Variants in ZMYM4 observed in about 807,000 individuals in gnomAD.
ZMYM4 encodes zinc finger MYM-type containing 4.
In ZMYM4, 31 loss-of-function variants were observed where a neutral mutation model predicts 183.2. That is an observed-to-expected ratio of 0.17 (90% CI 0.13 to 0.23). The LOEUF (loss-of-function observed/expected upper bound fraction) is 0.23. ZMYM4 is among the 10% of genes least tolerant of loss of function. The pLI, the probability that ZMYM4 is intolerant of heterozygous loss-of-function variation, is 1.00. For missense variants in ZMYM4, 1,273 were observed against 1,840.3 expected (o/e 0.69, Z 5.64); for synonymous variants, 592 against 631.2 (o/e 0.94, Z 0.93).
chr1:35,360,318 T>C (rs1310361866), intron 3 of ZMYM4, among the ~76,000 whole-genome samples: 1 of 152,072 alleles, frequency 6.6e-6, no homozygotes, highest in Non-Finnish European at 1.5e-5. Flanking sequence ...ATCTTACTCA[T>C]CTTTGTATTC....
chr1:35,272,229 T>C (rs1293755081), intron 1 of ZMYM4, among the ~76,000 whole-genome samples: 1 of 152,194 alleles, frequency 6.6e-6, no homozygotes, highest in African/African-American at 2.4e-5. Flanking sequence ...ATAGTAACTT[T>C]AGGCTATTCA....
chr1:35,378,523 C>T (rs1558122333), intron 7 of ZMYM4, among the ~76,000 whole-genome samples: 2 of 152,166 alleles, frequency 1.3e-5, no homozygotes, highest in East Asian at 3.8e-4. Flanking sequence ...TCTTGTACAT[C>T]TCCATCAGAA....
intron 1 of ZMYM4, among the ~76,000 whole-genome samples, chr1:35,284,339 TC>T (rs2148697928): frequency 6.6e-6 from 1 of 152,360 alleles, no homozygotes; most frequent in African/African-American, 2.4e-5. Flanking sequence ...GCTTTTGGTA[TC>T]ATATTTAAGA....
intron 2 of ZMYM4, among the ~76,000 whole-genome samples, chr1:35,340,030 C>T (rs546980952): frequency 6.6e-6 from 1 of 152,274 alleles, no homozygotes; most frequent in South Asian, 2.1e-4. Context: ...TGGGACACAT[C>T]CCTGAAAATT....
chr1:35,280,840 C>A (rs1176341192), intron 1 of ZMYM4, among the ~76,000 whole-genome samples: 3 of 152,270 alleles, frequency 2.0e-5, no homozygotes, highest in African/African-American at 4.8e-5. Context: ...AAGACCCTTA[C>A]ATTAACTACA....
In ZMYM4 at chr1:35,381,581, T is replaced by A; in HGVS notation, c.1392T>A (p.His464Gln). The change falls in exon 9 of 30, where the codon CAT (histidine) becomes CAA (glutamine). Residue 464 changes from histidine to glutamine, a missense_variant. This residue lies in a region of ZMYM4 where 319 missense variants were observed against 518.1 expected (regional missense o/e 0.62). Transcript: ENST00000314607. Reference sequence around the variant, plus strand: ...AAGTTAATTACCAGAATGTGGTCCATAAACTTTGCAGTGATGCCTGCTTCT... The same window carrying A: ...AAGTTAATTACCAGAATGTGGTCCAAAAACTTTGCAGTGATGCCTGCTTCT... ...RHEVNYQNVV[H>Q]KLCSDACFSK... The A allele has an allele frequency of 6.2e-7, 1 of 1,614,224 alleles. No homozygotes were observed. Among genetic ancestry groups the A allele is most frequent in the Non-Finnish European group, 8.5e-7 (1 of 1,180,034 alleles).
intron 1 of ZMYM4, among the ~76,000 whole-genome samples, chr1:35,270,037 G>A (rs1301967373): frequency 6.6e-6 from 1 of 152,190 alleles, no homozygotes; most frequent in Admixed American, 6.5e-5. Context: ...TCAGCTTAGC[G>A]TAAAATTAGT....
At position 35,386,909 on chromosome 1, in the gene ZMYM4, A is replaced by G. The variant is rs1023748664; in HGVS notation, c.1837-94A>G. On this transcript the variant is annotated intron_variant, in intron 11 of 29. Transcript: ENST00000314607. ...TTGCCTGTTAACAGATGTACCTTACATGCCTAGAACGGTGCTTGGCATATG... is the reference window on the plus strand; with the variant it reads ...TTGCCTGTTAACAGATGTACCTTACGTGCCTAGAACGGTGCTTGGCATATG... 1.9e-5 allele frequency: 26 copies of G among 1,374,142 alleles called. No homozygotes were observed. In the African/African-American group the frequency reaches 2.6e-4, roughly 14 times the overall value. The allele number at this position is 1,374,142 out of a possible 1,614,324, so 85.1% of individuals were successfully genotyped here. A position where few individuals can be genotyped will look rare whatever the true frequency, so the allele number is the denominator to read the frequency against.
intron 15 of ZMYM4, among the ~76,000 whole-genome samples, chr1:35,390,314 C>T (rs1413783934): frequency 6.6e-6 from 1 of 152,060 alleles, no homozygotes; most frequent in Non-Finnish European, 1.5e-5. Context: ...GTGTGAGCAA[C>T]AAGGCTGTTT....
chr1:35,352,257 GCACGCGCGCGCGCACACA>G (rs1251996415), intron 2 of ZMYM4, among the ~76,000 whole-genome samples: 45 of 99,860 alleles, frequency 4.5e-4, no homozygotes, highest in African/African-American at 1.7e-3. Flanking sequence ...AAATTAGCGC[GCACGCGCGCGCGCACACA>G]CACACACACA....
rs759251516 is a variant in ZMYM4, at chr1:35,361,211, A to G, written c.625A>G (p.Thr209Ala). The G allele has an allele frequency of 6.2e-7, 1 of 1,603,012 alleles. No homozygotes were observed. The highest frequency in any genetic ancestry group is 1.7e-5 in the Admixed American group (1 of 58,266). ...TTCAATAGCTAATCAAGTTGAAGAA[A>G]CATTACATACCCATTTACCACAAAC... ...FDKAANQVEE[T>A]LHTHLPQTPE... The change falls in exon 4 of 30, where the codon ACA (threonine) becomes GCA (alanine). Residue 209 changes from threonine (T) to alanine (A), a missense_variant. Physicochemically the swap from Thr to Ala is moderately conservative, Grantham distance 58. Transcript: ENST00000314607.
At chr1:35,283,167 G>A (rs1640277034) in intron 1 of ZMYM4, among the ~76,000 whole-genome samples, 1 of 125,374 alleles carries the variant, frequency 8.0e-6, no homozygotes, top group Admixed American at 8.2e-5. Context: ...CATCATGCCT[G>A]GCTAATTTTT....
At chr1:35,370,696 A>G in intron 7 of ZMYM4, 69 bp downstream of exon 7, 1 of 1,095,758 alleles carries the variant, frequency 9.1e-7, no homozygotes, top group Non-Finnish European at 1.2e-6. Context: ...TTCTTAGGTC[A>G]TGTATTACAT....
At chr1:35,411,187 C>CTTTTTTTTTTTTTT (rs1019150941) in intron 26 of ZMYM4, among the ~76,000 whole-genome samples, 1 of 131,454 alleles carries the variant, frequency 7.6e-6, no homozygotes, top group Non-Finnish European at 1.7e-5. Flanking sequence ...TTTCTTTTTT[C>CTTTTTTTTTTTTTT]TTTTTTTTTT....
intron 27 of ZMYM4, 106 bp from the exon 28 acceptor site, chr1:35,415,360 T>C: frequency 2.1e-6 from 3 of 1,413,168 alleles, no homozygotes; most frequent in Non-Finnish European, 2.9e-6. Flanking sequence ...GAAAGAGGAA[T>C]AGTCAGTTTT....
chr1:35,325,052 G>A (rs1319877783), intron 1 of ZMYM4, among the ~76,000 whole-genome samples: 1 of 152,034 alleles, frequency 6.6e-6, no homozygotes, highest in East Asian at 1.9e-4. Context: ...AGCGTTAGCT[G>A]TGTTTACTGT....
intron 2 of ZMYM4, among the ~76,000 whole-genome samples, chr1:35,336,865 G>A (rs78568548): frequency 0.065 from 9,897 of 152,246 alleles, 937 homozygotes; most frequent in East Asian, 0.44. Flanking sequence ...GAAGTGATTG[G>A]ATTATAGGGG....
rs758226049 is a variant in ZMYM4 at position 35,381,352 on chromosome 1, T to C, written c.1275T>C (p.Tyr425=). The change falls in exon 8 of 30, where the codon TAT becomes TAC. Residue 425 remains tyrosine (Y), a synonymous_variant. Coordinates refer to ENST00000314607, the MANE Select transcript of ZMYM4 (RefSeq NM_005095.3). The part of the protein sequence containing the change: ...DFCSQSCLST[Y]ELKKKPIVTI... ...GCAGTCAGTCATGTTTGTCAACATA[T>C]GAACTGAAAAAAAAACCTATTGTTA... The C allele has an allele frequency of 1.1e-5, 18 of 1,613,370 alleles. No homozygotes were observed. Among genetic ancestry groups the C allele is most frequent in the Non-Finnish European group, 1.5e-5 (18 of 1,179,702 alleles).
intron 1 of ZMYM4, among the ~76,000 whole-genome samples, chr1:35,269,392 TC>T (rs1230120974): frequency 3.8e-5 from 1 of 26,452 alleles, no homozygotes; most frequent in Admixed American, 4.3e-4. Context: ...CTTAAGTGCA[TC>T]TTTAGTGCAT....
Sources: gnomAD v4.1 joint callset for allele counts (sites outside exome capture counted in the v4.1 genomes callset) on GRCh38, gnomAD v4.1.1 for gene constraint, gnomAD v4.1.1 regional missense constraint, MANE v1.5 for transcripts, NCBI Gene and HGNC (gene_info 2026-07-23, HGNC 2026-07-21) for gene names.